PCDHGA4: variants seen among roughly 807,000 people sequenced by gnomAD.
PCDHGA4 encodes the protein protocadherin gamma subfamily A, 4.
In PCDHGA4, 38 loss-of-function variants were observed where a neutral mutation model predicts 54.6. The observed-to-expected ratio is 0.70, with a 90% CI of 0.54 to 0.91. PCDHGA4 has a LOEUF of 0.91. PCDHGA4 is among the 40% of genes least tolerant of loss of function. PCDHGA4 has a pLI of 0.00. For missense variants in PCDHGA4, 1,298 were observed against 1,220.9 expected (o/e 1.06, Z -0.94); for synonymous variants, 511 against 512.9 (o/e 1.00, Z 0.05).
intron 1 of PCDHGA4, among the ~76,000 whole-genome samples, chr5:141,492,622 C>A (rs2099742615): frequency 6.6e-6 from 1 of 152,218 alleles, no homozygotes; most frequent in South Asian, 2.1e-4. Flanking sequence ...GCCGGGCGGG[C>A]AGGACTCTAC....
At chr5:141,482,561 T>C (rs1411268228) in intron 1 of PCDHGA4, among the ~76,000 whole-genome samples, 3 of 136,978 alleles carry the variant, frequency 2.2e-5, no homozygotes, top group African/African-American at 8.6e-5. Flanking sequence ...ATAATGGAGA[T>C]CTGCATAGCA....
Position 141,355,305 on chromosome 5 carries a change from GT to G in PCDHGA4, c.201del (p.Phe67LeufsTer42), listed in dbSNP as rs775367993. ...IRAEQILYSV[F>X]EEQEEGSVVG... ...GGGCCGAACAGATTCTCTACTCGGTGTTTGAGGAGCAGGAAGAAGGCTCAGT... is the reference window on the plus strand; with the variant it reads ...GGGCCGAACAGATTCTCTACTCGGTGTTGAGGAGCAGGAAGAAGGCTCAGT... On this transcript the variant is annotated frameshift_variant, in exon 1 of 4. Transcript: ENST00000571252. LOFTEE classifies it high-confidence loss of function. 5 of 1,613,846 alleles carry G rather than the reference GT, an allele frequency of 3.1e-6. No individual in the cohort carries two copies. Among genetic ancestry groups the G allele is most frequent in the Non-Finnish European group, 3.4e-6 (4 of 1,179,896 alleles).
At chr5:141,375,970 G>C in intron 1 of PCDHGA4, 2 of 1,613,334 alleles carry the variant, frequency 1.2e-6, no homozygotes, top group Non-Finnish European at 1.7e-6. Flanking sequence ...TGCGCACGGC[G>C]CGCGCCCTGC....
intron 1 of PCDHGA4, chr5:141,393,194 C>G (rs770162660): frequency 6.2e-7 from 1 of 1,613,362 alleles, no homozygotes. Flanking sequence ...TTGATATTAA[C>G]GATAATAACC....
chr5:141,376,170 C>T (rs1415388106), intron 1 of PCDHGA4: 2 of 1,614,112 alleles, frequency 1.2e-6, no homozygotes, highest in South Asian at 1.1e-5. Flanking sequence ...CTGGTGGTGG[C>T]GGTGGCCGCG....
chr5:141,435,883 C>A (rs1458527952), intron 1 of PCDHGA4, among the ~76,000 whole-genome samples: 1 of 152,020 alleles, frequency 6.6e-6, no homozygotes, highest in African/African-American at 2.4e-5. Flanking sequence ...GATTGGAAAC[C>A]CCTTAGAGAA....
In PCDHGA4 at chr5:141,490,490, C is replaced by A. The variant is rs886264588; in HGVS notation, c.2515-4317C>A. The A allele has an allele frequency of 1.2e-6, 2 of 1,614,184 alleles. No individual in the cohort carries two copies. Among genetic ancestry groups the A allele is most frequent in the Non-Finnish European group, 1.7e-6 (2 of 1,180,028 alleles). ...AGCCAGCCTTTGGACCGGGAGGCCA[C>A]ATCCCACTATATCATCGAGCTGCTG... On this transcript the variant is annotated intron_variant, in intron 1 of 3. Transcript: ENST00000571252. The surrounding 1 kb of genome is among the most constrained non-coding windows in gnomAD (Gnocchi z 5.4).
intron 1 of PCDHGA4, among the ~76,000 whole-genome samples, chr5:141,401,910 T>A (rs562648950): frequency 2.1e-4 from 32 of 152,336 alleles, no homozygotes; most frequent in African/African-American, 5.3e-4. Flanking sequence ...AATTATTATA[T>A]AAGTTTAAGT....
chr5:141,473,974 C>T (rs958240236), intron 1 of PCDHGA4, among the ~76,000 whole-genome samples: 12 of 152,172 alleles, frequency 7.9e-5, no homozygotes, highest in Admixed American at 1.3e-4. Flanking sequence ...AAGTCTGAGG[C>T]GGGAGGATCC....
intron 1 of PCDHGA4, chr5:141,371,097 G>A (rs376198094): frequency 5.0e-6 from 8 of 1,613,710 alleles, no homozygotes; most frequent in Non-Finnish European, 6.8e-6. Flanking sequence ...TGTCGCAGAT[G>A]CAAATGATAA....
intron 1 of PCDHGA4, chr5:141,384,177 TG>T: frequency 6.2e-7 from 1 of 1,613,838 alleles, no homozygotes; most frequent in South Asian, 1.1e-5. Context: ...AAGCCACAGA[TG>T]GTGGAACTCC....
chr5:141,400,453 C>T (rs1329103788), intron 1 of PCDHGA4: 1 of 1,614,056 alleles, frequency 6.2e-7, no homozygotes, highest in Admixed American at 1.7e-5. Context: ...ACAAGACATA[C>T]TTTGTGGTGA....
intron 1 of PCDHGA4, chr5:141,376,296 C>T (rs769852070): frequency 1.2e-6 from 2 of 1,614,184 alleles, no homozygotes; most frequent in Non-Finnish European, 1.7e-6. Flanking sequence ...ATGCCCGGCT[C>T]GCACTTTGTG....
chr5:141,370,835 C>G, intron 1 of PCDHGA4: 1 of 1,613,964 alleles, frequency 6.2e-7, no homozygotes, highest in East Asian at 2.2e-5. Flanking sequence ...AACTGGCTCT[C>G]ACTGGAGCCA....
At chr5:141,401,016 A>G (rs910501602) in intron 1 of PCDHGA4, among the ~76,000 whole-genome samples, 2 of 152,182 alleles carry the variant, frequency 1.3e-5, no homozygotes, top group Admixed American at 6.5e-5. Context: ...TAATGGATTT[A>G]TGATTTTTTG....
chr5:141,511,728 A>C lies in PCDHGA4; in HGVS notation c.*555A>C, dbSNP rs904031366. 2.2e-5 allele frequency: 4 copies of C among 177,940 alleles called. No homozygotes were observed. The highest frequency in any genetic ancestry group is 7.0e-5 in the African/African-American group (3 of 42,626). 11.0% of individuals were successfully genotyped at this position (177,940 alleles called of 1,614,324 possible). ...TCACCTCCTTCCAGAGCCCAAGATC[A>C]ATGCTCAAGTTTTGGAGGACATGAT... On this transcript the variant is annotated 3_prime_UTR_variant, in exon 4 of 4. Coordinates refer to ENST00000571252, the MANE Select transcript of PCDHGA4 (RefSeq NM_018917.4).
intron 1 of PCDHGA4, chr5:141,378,193 TA>T (rs376966694): frequency 7.2e-5 from 11 of 152,366 alleles, no homozygotes; most frequent in Middle Eastern, 3.4e-3. Context: ...GTGTGCCTAC[TA>T]CAGTGTCTTT....
At chr5:141,387,732 C>A (rs940812767) in intron 1 of PCDHGA4, 15 of 1,279,330 alleles carry the variant, frequency 1.2e-5, no homozygotes, top group South Asian at 1.6e-5. Context: ...CAGCGCCAGC[C>A]TTTACACCGC....
intron 1 of PCDHGA4, chr5:141,360,434 C>T (rs761392081): frequency 1.9e-6 from 3 of 1,613,956 alleles, no homozygotes; most frequent in East Asian, 2.2e-5. Context: ...GGGAAGCAGC[C>T]TCTGTGTGTT....
Sources: gnomAD v4.1 joint callset for allele counts (sites outside exome capture counted in the v4.1 genomes callset) on GRCh38, gnomAD v4.1.1 for gene constraint, Gnocchi (gnomAD v3.1) non-coding constraint, MANE v1.5 for transcripts, NCBI Gene and HGNC (gene_info 2026-07-23, HGNC 2026-07-21) for gene names.